USP4: variants seen among roughly 807,000 people sequenced by gnomAD.
USP4 encodes ubiquitin specific peptidase 4, also known as ubiquitin carboxyl-terminal hydrolase 4.
In USP4, 72 loss-of-function variants were observed where a neutral mutation model predicts 118.2. The ratio of observed to expected loss-of-function variants is 0.61; its 90% confidence interval spans 0.50 to 0.74. USP4 has a LOEUF of 0.74. Among genes scored for constraint, USP4 ranks in the 30% least tolerant of loss-of-function variants. USP4 has a pLI of 0.00. For synonymous variants in USP4, 415 were observed against 440.4 expected (o/e 0.94, Z 0.72); for missense variants, 1,037 against 1,185.7 (o/e 0.87, Z 1.84).
Position 49,277,265 on chromosome 3 carries a change from G to A in USP4, c.*1028C>T, listed in dbSNP as rs778212295. 21 of 1,287,394 alleles carry A rather than the reference G, an allele frequency of 1.6e-5. No individual in the cohort carries two copies. The highest frequency in any genetic ancestry group is 1.9e-5 in the Non-Finnish European group (19 of 986,302). The allele number at this position is 1,287,394 out of a possible 1,614,324, so 79.7% of individuals were successfully genotyped here. The stretch of plus-strand genomic sequence containing the variant: ...GCAGGCCCCAAACCCCCACGGATTA[G>A]GTTGAAGGTCAGACAAAAAATCCCG... On this transcript the variant is annotated 3_prime_UTR_variant, in exon 22 of 22. Coordinates refer to ENST00000265560, the MANE Select transcript of USP4 (RefSeq NM_003363.4).
chr3:49,317,429 C>T (rs745420984), intron 6 of USP4: 103 of 933,270 alleles, frequency 1.1e-4, no homozygotes, highest in Non-Finnish European at 1.6e-4. Context: ...AGCTTGTTGT[C>T]GTAGTTCTGC....
Position 49,300,473 on chromosome 3 carries a change from A to T in USP4, c.1506T>A (p.Pro502=), listed in dbSNP as rs767318678. ...AGGGTGTGGATTCTGTCACCTGAGT[A>T]GGTCTGCAGTGAGGGTCAGCAGGAA... is the stretch of plus-strand genomic sequence containing the variant. ...FLVPADPHCR[P]TQYRVTVPLM... is the part of the protein sequence containing the mutation. Residue 502 remains proline (P), a synonymous_variant, in exon 11 of 22, where the codon CCT becomes CCA. Transcript: ENST00000265560. 2 of 1,613,994 alleles carry T rather than the reference A, an allele frequency of 1.2e-6. No homozygotes were observed. The highest frequency in any genetic ancestry group is 3.3e-5 in the Admixed American group (2 of 59,998).
chr3:49,335,814 G>A (rs1180673485), intron 1 of USP4, among the ~76,000 whole-genome samples: 1 of 152,152 alleles, frequency 6.6e-6, no homozygotes, highest in Admixed American at 6.6e-5. Context: ...TTCAAAGAGT[G>A]AATAAAAGAA....
chr3:49,333,806 G>C (rs1032159519), intron 2 of USP4, among the ~76,000 whole-genome samples: 1 of 152,176 alleles, frequency 6.6e-6, no homozygotes, highest in African/African-American at 2.4e-5. Flanking sequence ...GGGAGGCTGA[G>C]GTCGGGAGTT....
Position 49,324,684 on chromosome 3 carries a change from G to C in USP4, c.695+18C>G. ...TTGCACATGTGAGCCTACAACAAGGGAGAAAAAATTCACTTACTTTGACTG... is the reference window on the plus strand; with the variant it reads ...TTGCACATGTGAGCCTACAACAAGGCAGAAAAAATTCACTTACTTTGACTG... On this transcript the variant is annotated intron_variant, in intron 6 of 21. Coordinates refer to ENST00000265560, the MANE Select transcript of USP4 (RefSeq NM_003363.4). 6.2e-7 allele frequency: 1 copy of C among 1,612,400 alleles called. No individual in the cohort carries two copies. Among genetic ancestry groups the C allele is most frequent in the African/African-American group, 1.3e-5 (1 of 75,038 alleles).
intron 13 of USP4, among the ~76,000 whole-genome samples, chr3:49,296,050 G>A (rs190521456): frequency 6.6e-6 from 1 of 152,288 alleles, no homozygotes; most frequent in East Asian, 1.9e-4. Flanking sequence ...AGCAGATGCA[G>A]GCCGGGCACA....
intron 15 of USP4, 60 bp from the exon 16 acceptor site, chr3:49,286,385 T>G (rs2047091088): frequency 6.7e-7 from 1 of 1,503,440 alleles, no homozygotes; most frequent in South Asian, 1.2e-5. Context: ...TGTTAAAAAT[T>G]TTATTTAATA....
rs779718898 is a variant in USP4 at position 49,310,717 on chromosome 3, G to A, written c.857C>T (p.Ser286Leu). The change falls in exon 8 of 22, where the codon TCG becomes TTG. Residue 286 changes from serine (S) to leucine (L), a missense_variant. Around this residue, in one of 3 missense-constraint regions of USP4, gnomAD observed 487 missense variants for 534.1 expected, o/e 0.91. Coordinates refer to ENST00000265560, the MANE Select transcript of USP4 (RefSeq NM_003363.4). ...VSRGGSGFSA[S>L]YNCQEPPSSH... Reference sequence around the variant, plus strand: ...GGATGGTGGCTCCTGACAATTATACGAAGCAGAAAAGCCAGATCCACTGGA... The same window carrying A: ...GGATGGTGGCTCCTGACAATTATACAAAGCAGAAAAGCCAGATCCACTGGA... 1.9e-5 allele frequency: 31 copies of A among 1,614,056 alleles called. No homozygotes were observed. In the Admixed American group the frequency reaches 2.0e-4, roughly 10 times the overall value.
At chr3:49,332,179 A>C (rs1479226925) in intron 2 of USP4, among the ~76,000 whole-genome samples, 1 of 152,114 alleles carries the variant, frequency 6.6e-6, no homozygotes, top group Admixed American at 6.6e-5. Context: ...TGGGAGGCTG[A>C]GGCAGGAGAA....
intron 6 of USP4, among the ~76,000 whole-genome samples, chr3:49,322,458 C>A (rs2047512186): frequency 6.6e-6 from 1 of 152,214 alleles, no homozygotes; most frequent in East Asian, 1.9e-4. Flanking sequence ...ATATGCCTAA[C>A]AACAGGATTG....
In USP4 at chr3:49,327,712, C is replaced by G; in HGVS notation, c.334G>C (p.Glu112Gln). Reference protein sequence around the residue: ...NKLLNWYGCVEGQQPIVRKVV... With the variant: ...NKLLNWYGCVQGQQPIVRKVV... Reference sequence around the variant, plus strand: ...TTTCTGACGATGGGTTGCTGGCCTTCTACACAGCCGTACCAGTTTAGTAGT... The same window carrying G: ...TTTCTGACGATGGGTTGCTGGCCTTGTACACAGCCGTACCAGTTTAGTAGT... The change falls in exon 3 of 22, where the codon GAA becomes CAA. Residue 112 changes from glutamate to glutamine, a missense_variant. Around this residue, in one of 3 missense-constraint regions of USP4, gnomAD observed 487 missense variants for 534.1 expected, o/e 0.91. Coordinates refer to ENST00000265560, the MANE Select transcript of USP4 (RefSeq NM_003363.4). 1 of 1,614,186 alleles carries G rather than the reference C, an allele frequency of 6.2e-7. No homozygotes were observed. Among genetic ancestry groups the G allele is most frequent in the South Asian group, 1.1e-5 (1 of 91,088 alleles).
chr3:49,294,428 T>C lies in USP4; in HGVS notation c.1862A>G (p.Gln621Arg). ...KHKLTLESLY[Q>R]AVCDRISRYV... ...CAACCTGATACGATCACAAACAGCC[T>C]GGTACAAAGACTCAAGGGTTAACTT... The change falls in exon 14 of 22, where the codon CAG (glutamine) becomes CGG (arginine). Residue 621 changes from glutamine (Q) to arginine (R), a missense_variant. Around this residue, in one of 3 missense-constraint regions of USP4, gnomAD observed 522 missense variants for 592.6 expected, o/e 0.88. Transcript: ENST00000265560. 1 of 1,613,876 alleles carries C rather than the reference T, an allele frequency of 6.2e-7. No individual in the cohort carries two copies. Among genetic ancestry groups the C allele is most frequent in the Non-Finnish European group, 8.5e-7 (1 of 1,179,850 alleles).
chr3:49,327,580 A>G, intron 3 of USP4, 106 bp downstream of exon 3: 1 of 1,268,708 alleles, frequency 7.9e-7, no homozygotes, highest in South Asian at 1.4e-5. Flanking sequence ...AAGCACCACT[A>G]TTCAACCACT....
chr3:49,305,069 T>G (rs1467074679), intron 9 of USP4, among the ~76,000 whole-genome samples: 1 of 143,382 alleles, frequency 7.0e-6, no homozygotes, highest in African/African-American at 2.6e-5. Context: ...GACTTTTTTG[T>G]TGTTGTTGTT....
At position 49,277,253 on chromosome 3, in the gene USP4, C is replaced by T. The variant is rs1469219033; in HGVS notation, c.*1040G>A. On this transcript the variant is annotated 3_prime_UTR_variant, in exon 22 of 22. Transcript: ENST00000265560. ...CGCGTGCCCCGCGCAGGCCCCAAAC[C>T]CCCACGGATTAGGTTGAAGGTCAGA... 7.7e-7 allele frequency: 1 copy of T among 1,302,456 alleles called. No homozygotes were observed. Among genetic ancestry groups the T allele is most frequent in the Admixed American group, 2.3e-5 (1 of 43,880 alleles). 80.7% of individuals were successfully genotyped at this position (1,302,456 alleles called of 1,614,324 possible).
At chr3:49,312,347 G>A (rs572617677) in intron 6 of USP4, 16 of 389,314 alleles carry the variant, frequency 4.1e-5, no homozygotes, top group South Asian at 2.9e-4. Flanking sequence ...AAATTATCTG[G>A]ACATGGTGGC....
chr3:49,290,413 GAAAT>G (rs750251259), intron 15 of USP4, among the ~76,000 whole-genome samples: 1 of 152,126 alleles, frequency 6.6e-6, no homozygotes, highest in Non-Finnish European at 1.5e-5. Context: ...ACTCCATATA[GAAAT>G]AAATTAATTA....
intron 15 of USP4, among the ~76,000 whole-genome samples, chr3:49,289,190 C>T (rs933880212): frequency 1.3e-5 from 2 of 152,220 alleles, no homozygotes; most frequent in Non-Finnish European, 2.9e-5. Context: ...AAAGGTGACA[C>T]TCATTGTCCC....
At chr3:49,292,465 G>T in intron 15 of USP4, 45 bp downstream of exon 15, 1 of 1,260,798 alleles carries the variant, frequency 7.9e-7, no homozygotes, top group South Asian at 1.4e-5. Flanking sequence ...GGGAAATCAG[G>T]AGGTATTTGG....
Sources: allele counts gnomAD v4.1 joint callset (sites outside exome capture counted in the v4.1 genomes callset), GRCh38; gene constraint gnomAD v4.1.1; regional missense constraint gnomAD v4.1.1; transcripts MANE v1.5; gene names NCBI Gene and HGNC (gene_info 2026-07-23, HGNC 2026-07-21).